AFAP1: variants seen among roughly 807,000 people sequenced by gnomAD.
AFAP1 encodes actin filament-associated protein 1.
In AFAP1, 75 loss-of-function variants were observed where a neutral mutation model predicts 93.9. The observed-to-expected ratio is 0.80, with a 90% CI of 0.66 to 0.97. The LOEUF (loss-of-function observed/expected upper bound fraction) is 0.97. Ranked by LOEUF, AFAP1 falls within the 50% of genes least tolerant of loss-of-function variation. The probability of loss-of-function intolerance (pLI) is 0.00; values close to 1 mark genes in which losing one functional copy is unlikely to be tolerated. For synonymous variants in AFAP1, 517 were observed against 430.7 expected (o/e 1.20, Z -2.48); for missense variants, 1,201 against 1,050.8 (o/e 1.14, Z -1.98).
intron 6 of AFAP1, among the ~76,000 whole-genome samples, chr4:7,828,170 C>A (rs1009776231): frequency 2.0e-5 from 3 of 152,146 alleles, no homozygotes; most frequent in African/African-American, 7.2e-5. Context: ...ATGGTACCTG[C>A]ACAGCACATT....
rs2285763 is a variant in AFAP1 at position 7,761,577 on chromosome 4, C to T, written c.*2188G>A. 0.12 allele frequency: 18,008 copies of T among 152,350 alleles called. 1,218 individuals carry two copies. The highest frequency in any genetic ancestry group is 0.2 in the East Asian group (1,027 of 5,174). 9.4% of individuals were successfully genotyped at this position (152,350 alleles called of 1,614,324 possible). A position where few individuals can be genotyped will look rare whatever the true frequency, so the allele number is the denominator to read the frequency against. ...CTGCCCACCTGTGCTGGGCCAGGAC[C>T]GTGACTTCAGGCTGGCCATCTCCCC... is the stretch of plus-strand genomic sequence containing the variant. On this transcript the variant is annotated 3_prime_UTR_variant, in exon 18 of 18. Coordinates refer to ENST00000420658, the MANE Select transcript of AFAP1 (RefSeq NM_001134647.2).
intron 5 of AFAP1, among the ~76,000 whole-genome samples, chr4:7,840,246 C>G (rs188826312): frequency 1.2e-3 from 148 of 121,728 alleles, no homozygotes; most frequent in African/African-American, 4.5e-3. Flanking sequence ...AGAGTCCTTT[C>G]TGGTTTGTTT....
chr4:7,834,128 C>CACACACACACACACACACACACACAT (rs756961714), intron 6 of AFAP1, among the ~76,000 whole-genome samples: 5 of 119,492 alleles, frequency 4.2e-5, no homozygotes, highest in African/African-American at 2.0e-4. Flanking sequence ...CACACACACA[C>CACACACACACACACACACACACACAT]ATATATACAA....
In AFAP1 at chr4:7,800,313, G is replaced by C. The variant is rs1459177326; in HGVS notation, c.1266+129C>G. 4 of 915,776 alleles carry C rather than the reference G, an allele frequency of 4.4e-6. No homozygotes were observed. The East Asian group carries it at 1.1e-4, about 24-fold the overall frequency. 56.7% of individuals were successfully genotyped at this position (915,776 alleles called of 1,614,324 possible). A position where few individuals can be genotyped will look rare whatever the true frequency, so the allele number is the denominator to read the frequency against. ...TGGACTGGGCAGTGAGAGAAAAGAG[G>C]GTGGGCCCAAAAGAGGTACTGTCAG... On this transcript the variant is annotated intron_variant, in intron 10 of 17. Transcript: ENST00000420658.
chr4:7,821,483 T>G (rs1720969917), intron 6 of AFAP1, among the ~76,000 whole-genome samples: 1 of 152,120 alleles, frequency 6.6e-6, no homozygotes, highest in Non-Finnish European at 1.5e-5. Flanking sequence ...AGTCACCACA[T>G]GTTTCTCCAA....
At chr4:7,896,233 T>A (rs1718756855) in intron 1 of AFAP1, among the ~76,000 whole-genome samples, 1 of 152,134 alleles carries the variant, frequency 6.6e-6, no homozygotes, top group Non-Finnish European at 1.5e-5. Flanking sequence ...AAACACAGTA[T>A]AACCCACCAT....
At chr4:7,866,494 C>T (rs1330303482) in intron 3 of AFAP1, among the ~76,000 whole-genome samples, 1 of 152,224 alleles carries the variant, frequency 6.6e-6, no homozygotes, top group Non-Finnish European at 1.5e-5. Flanking sequence ...CCGCACCTGG[C>T]CCCAGCTGCT....
intron 4 of AFAP1, among the ~76,000 whole-genome samples, chr4:7,845,058 T>C (rs1321733345): frequency 6.6e-6 from 1 of 152,220 alleles, no homozygotes; most frequent in Non-Finnish European, 1.5e-5. Flanking sequence ...ATAATTTCCT[T>C]GCAAAGATTC....
At chr4:7,799,778 TTCAA>T (rs771627752) in intron 10 of AFAP1, among the ~76,000 whole-genome samples, 5 of 152,174 alleles carry the variant, frequency 3.3e-5, no homozygotes, top group Non-Finnish European at 7.3e-5. Flanking sequence ...ATTAAAAACT[TTCAA>T]TAATGAAAGT....
intron 1 of AFAP1, among the ~76,000 whole-genome samples, chr4:7,885,487 G>T (rs181453408): frequency 2.4e-4 from 37 of 152,086 alleles, no homozygotes; most frequent in African/African-American, 8.9e-4. Flanking sequence ...CCTCTCTCCC[G>T]CTATGCTGTA....
intron 17 of AFAP1, among the ~76,000 whole-genome samples, chr4:7,764,912 C>T (rs114535503): frequency 1.9e-3 from 288 of 152,268 alleles, no homozygotes; most frequent in African/African-American, 6.3e-3. Flanking sequence ...TTAAGACCAG[C>T]CTGAGCAACT....
chr4:7,774,813 T>C lies in AFAP1; in HGVS notation c.1988A>G (p.Glu663Gly). The C allele has an allele frequency of 6.2e-7, 1 of 1,614,242 alleles. No individual in the cohort carries two copies. Residue 663 changes from glutamate to glycine, a missense_variant, in exon 15 of 18, where the codon GAG becomes GGG. By Grantham distance (98) the Glu-to-Gly change is moderately conservative. Transcript: ENST00000420658. ...TKEEELLKRK[E>G]ALRNRLAQLR... ...CTGGGCCAGCCTATTCCGCAGGGCC[T>C]CTTTCCTCTTCAGCAGCTCCTCCTC...
chr4:7,766,491 G>A (rs971666543), intron 17 of AFAP1, among the ~76,000 whole-genome samples: 2 of 152,144 alleles, frequency 1.3e-5, no homozygotes, highest in African/African-American at 4.8e-5. Flanking sequence ...TAAGCGACAG[G>A]ATGAGAACCT....
At chr4:7,802,414 T>C (rs1249996053) in intron 9 of AFAP1, among the ~76,000 whole-genome samples, 1 of 152,168 alleles carries the variant, frequency 6.6e-6, no homozygotes, top group Non-Finnish European at 1.5e-5. Flanking sequence ...AGAATTAAAG[T>C]AGGAAAGAGT....
chr4:7,872,128 T>C, intron 1 of AFAP1, 48 bp from the exon 2 acceptor site: 1 of 1,605,644 alleles, frequency 6.2e-7, no homozygotes, highest in African/African-American at 1.3e-5. Context: ...GATTTGCAAA[T>C]GTCAAAGTAT....
At position 7,762,666 on chromosome 4, in the gene AFAP1, G is replaced by C. The variant is rs1243634595; in HGVS notation, c.*1099C>G. The C allele has an allele frequency of 6.6e-6, 1 of 152,268 alleles. No homozygotes were observed. The allele number at this position is 152,268 out of a possible 1,614,324, so 9.4% of individuals were successfully genotyped here. A position where few individuals can be genotyped will look rare whatever the true frequency, so the allele number is the denominator to read the frequency against. On this transcript the variant is annotated 3_prime_UTR_variant, in exon 18 of 18. Coordinates refer to ENST00000420658, the MANE Select transcript of AFAP1 (RefSeq NM_001134647.2). ...CCCTACTTGCACCCACCCTACTCAG[G>C]AGAGGCAGCACGGCCAGGCCCACCA... is the stretch of plus-strand genomic sequence containing the variant.
intron 2 of AFAP1, among the ~76,000 whole-genome samples, chr4:7,871,606 A>G (rs1330994351): frequency 6.6e-6 from 1 of 152,222 alleles, no homozygotes; most frequent in Non-Finnish European, 1.5e-5. Flanking sequence ...CCGATCTGCC[A>G]GTCGGACTGT....
At chr4:7,806,255 C>A (rs1458140417) in intron 9 of AFAP1, among the ~76,000 whole-genome samples, 2 of 152,238 alleles carry the variant, frequency 1.3e-5, no homozygotes, top group Non-Finnish European at 2.9e-5. Context: ...GCCAGCCAGG[C>A]TGCAATCCTC....
chr4:7,806,267 C>T (rs1256113542), intron 9 of AFAP1, among the ~76,000 whole-genome samples: 1 of 152,228 alleles, frequency 6.6e-6, no homozygotes, highest in African/African-American at 2.4e-5. Flanking sequence ...GCAATCCTCG[C>T]CACATTAATA....
Sources: allele counts gnomAD v4.1 joint callset (sites outside exome capture counted in the v4.1 genomes callset), GRCh38; gene constraint gnomAD v4.1.1; transcripts MANE v1.5; gene names NCBI Gene and HGNC (gene_info 2026-07-23, HGNC 2026-07-21).